ANKRD62: variants seen among roughly 807,000 people sequenced by gnomAD.
The protein encoded by ANKRD62 is ankyrin repeat domain-containing protein 62.
In ANKRD62, 61 loss-of-function variants were observed where a neutral mutation model predicts 98.8. That is an observed-to-expected ratio of 0.62 (90% confidence interval 0.50 to 0.76). ANKRD62 has a LOEUF of 0.76. ANKRD62 is among the 30% of genes least tolerant of loss of function. The pLI is 0.00. For synonymous variants in ANKRD62, 341 were observed against 367.9 expected, an observed-to-expected ratio of 0.93 and a Z score of 0.84; for missense variants, 933 against 1,082.9, an observed-to-expected ratio of 0.86 and a Z score of 1.94.
At chr18:12,158,195 C>G in the ANKRD62 span, among the ~76,000 whole-genome samples, 1 of 152,194 alleles carries the variant, frequency 6.6e-6, no homozygotes, top group South Asian at 2.1e-4. Flanking sequence ...GAGGAACGTG[C>G]TTTGTTTAGA....
At chr18:12,146,657 C>A in the ANKRD62 span, among the ~76,000 whole-genome samples, 1 of 152,112 alleles carries the variant, frequency 6.6e-6, no homozygotes, top group African/African-American at 2.4e-5. Context: ...TGTTGCCCAG[C>A]TGGCCTCGAA....
At chr18:12,161,210 A>G in the ANKRD62 span, among the ~76,000 whole-genome samples, 1 of 152,260 alleles carries the variant, frequency 6.6e-6, no homozygotes, top group East Asian at 1.9e-4. Context: ...TTTTTTATTT[A>G]TACAATTTTA....
the ANKRD62 span, among the ~76,000 whole-genome samples, chr18:12,159,829 A>G: frequency 6.6e-6 from 1 of 152,224 alleles, no homozygotes; most frequent in Non-Finnish European, 1.5e-5. Context: ...CTGTGAGACT[A>G]TAATGTTTTT....
intron 8 of ANKRD62, among the ~76,000 whole-genome samples, chr18:12,112,267 T>C (rs1354057358): frequency 6.6e-6 from 1 of 152,060 alleles, no homozygotes; most frequent in Non-Finnish European, 1.5e-5. Context: ...GCCAAGGCAG[T>C]CCTCAGCAAA....
chr18:12,150,226 C>T, the ANKRD62 span, among the ~76,000 whole-genome samples: 4 of 152,274 alleles, frequency 2.6e-5, no homozygotes, highest in East Asian at 1.9e-4. Context: ...GACTGGCTCT[C>T]TGAAATGAGA....
intron 11 of ANKRD62, among the ~76,000 whole-genome samples, chr18:12,122,885 A>G (rs1018825542): frequency 2.6e-5 from 4 of 152,156 alleles, no homozygotes; most frequent in African/African-American, 9.6e-5. Context: ...TTCAAAATAG[A>G]GCTATCTGGT....
the ANKRD62 span, among the ~76,000 whole-genome samples, chr18:12,141,067 G>A: frequency 1.3e-5 from 2 of 152,188 alleles, no homozygotes; most frequent in Non-Finnish European, 2.9e-5. Flanking sequence ...GCGCCCCTCC[G>A]CCAGCCTCGC....
chr18:12,113,282 A>T (rs1485040126), intron 8 of ANKRD62, among the ~76,000 whole-genome samples: 2 of 152,228 alleles, frequency 1.3e-5, no homozygotes, highest in Admixed American at 6.5e-5. Flanking sequence ...AGAGAAATGC[A>T]AATCATAACC....
chr18:12,097,958 A>G (rs765608403), intron 5 of ANKRD62, among the ~76,000 whole-genome samples, 181 bp downstream of exon 5: 8 of 152,186 alleles, frequency 5.3e-5, no homozygotes, highest in Non-Finnish European at 8.8e-5. Context: ...AGTAGCAATG[A>G]GTGTAGGATT....
chr18:12,099,547 T>G, intron 5 of ANKRD62, 68 bp from the exon 6 acceptor site: 2 of 954,912 alleles, frequency 2.1e-6, no homozygotes, highest in Admixed American at 5.9e-5. Context: ...AAGAATTTAA[T>G]GTATTTGGTA....
chr18:12,161,158 T>C, the ANKRD62 span, among the ~76,000 whole-genome samples: 3 of 152,276 alleles, frequency 2.0e-5, no homozygotes, highest in Admixed American at 2.0e-4. Context: ...AAATTGTTGA[T>C]GCACTCATGT....
At chr18:12,107,986 A>G (rs1909453256) in intron 8 of ANKRD62, among the ~76,000 whole-genome samples, 2 of 152,176 alleles carry the variant, frequency 1.3e-5, no homozygotes. Flanking sequence ...TGTTGCGTGC[A>G]TACATATATA....
the ANKRD62 span, among the ~76,000 whole-genome samples, chr18:12,136,132 G>C: frequency 2.0e-5 from 3 of 152,068 alleles, no homozygotes; most frequent in Non-Finnish European, 2.9e-5. Flanking sequence ...CCTATGTCCT[G>C]AATGGTATTG....
chr18:12,126,744 AG>A (rs1322886146), intron 13 of ANKRD62, among the ~76,000 whole-genome samples: 2 of 152,210 alleles, frequency 1.3e-5, no homozygotes, highest in Non-Finnish European at 2.9e-5. Context: ...TCATACCTAA[AG>A]TGTTATTTTG....
chr18:12,123,561 A>G (rs1027538906), intron 11 of ANKRD62, among the ~76,000 whole-genome samples: 3 of 152,364 alleles, frequency 2.0e-5, no homozygotes, highest in African/African-American at 7.2e-5. Flanking sequence ...ACTAATCAAC[A>G]GAATAAGTCA....
intron 11 of ANKRD62, among the ~76,000 whole-genome samples, chr18:12,123,541 T>A (rs1909825551): frequency 6.6e-6 from 1 of 152,194 alleles, no homozygotes; most frequent in Non-Finnish European, 1.5e-5. Flanking sequence ...AAATTGTTTG[T>A]AAAATACATA....
chr18:12,164,953 G>A, the ANKRD62 span, among the ~76,000 whole-genome samples: 1 of 151,814 alleles, frequency 6.6e-6, no homozygotes, highest in Admixed American at 6.6e-5. Flanking sequence ...TATATATCTG[G>A]GTGCTCCAGT....
intron 1 of ANKRD62, among the ~76,000 whole-genome samples, chr18:12,094,809 G>A: frequency 2.6e-5 from 3 of 113,722 alleles, no homozygotes; most frequent in Non-Finnish European, 5.6e-5. Flanking sequence ...GGGGACTGTG[G>A]TGGGGGGTAG....
At chr18:12,138,005 T>G in the ANKRD62 span, among the ~76,000 whole-genome samples, 1 of 152,156 alleles carries the variant, frequency 6.6e-6, no homozygotes, top group Non-Finnish European at 1.5e-5. Context: ...AGCTCCTGGA[T>G]TCATTGATTT....
Sources: gnomAD v4.1 joint callset for allele counts (sites outside exome capture counted in the v4.1 genomes callset) on GRCh38, gnomAD v4.1.1 for gene constraint, MANE v1.5 for transcripts, NCBI Gene and HGNC (gene_info 2026-07-23, HGNC 2026-07-21) for gene names.